The following SRPK2 variants were observed in gnomAD, a reference collection of about 807,000 sequenced individuals.
SRPK2 encodes SRSF protein kinase 2, also known as SFRS protein kinase 2.
SRPK2 carries 21 observed loss-of-function variants against 90.8 expected under a neutral mutation model. The observed-to-expected ratio is 0.23, with a 90% CI of 0.16 to 0.33. The LOEUF is 0.33. SRPK2 is among the 10% of genes least tolerant of loss of function. The pLI, the probability that SRPK2 is intolerant of heterozygous loss-of-function variation, is 1.00. For synonymous variants in SRPK2, 288 were observed against 311.1 expected, an observed-to-expected ratio of 0.93 and a Z score of 0.78; for missense variants, 620 against 869.0, an observed-to-expected ratio of 0.71 and a Z score of 3.60.
At chr7:105,308,160 GT>G (rs1811340747) in intron 2 of SRPK2, among the ~76,000 whole-genome samples, 1 of 152,114 alleles carries the variant, frequency 6.6e-6, no homozygotes, top group South Asian at 2.1e-4. Context: ...AGTTTACATT[GT>G]TTTCATGGAA....
At chr7:105,322,786 C>T (rs913513181) in intron 2 of SRPK2, among the ~76,000 whole-genome samples, 2 of 152,042 alleles carry the variant, frequency 1.3e-5, no homozygotes, top group South Asian at 4.2e-4. Context: ...GTCTTATTAG[C>T]TAGTCTATAC....
At chr7:105,275,957 C>T (rs1456940547) in intron 2 of SRPK2, among the ~76,000 whole-genome samples, 1 of 152,164 alleles carries the variant, frequency 6.6e-6, no homozygotes, top group East Asian at 1.9e-4. Context: ...ATAATTAGAG[C>T]TACATCCTTT....
intron 2 of SRPK2, among the ~76,000 whole-genome samples, chr7:105,319,510 G>T (rs1020298621): frequency 8.4e-6 from 1 of 119,392 alleles, no homozygotes; most frequent in African/African-American, 2.9e-5. Flanking sequence ...GCGGCGGGGG[G>T]GGGGGGGGCG....
chr7:105,241,087 T>G (rs1800759012), intron 2 of SRPK2, among the ~76,000 whole-genome samples: 1 of 152,178 alleles, frequency 6.6e-6, no homozygotes. Flanking sequence ...TAAAAGAGGC[T>G]GCATGGTAAG....
At chr7:105,208,770 A>G (rs935422925) in intron 2 of SRPK2, among the ~76,000 whole-genome samples, 8 of 152,150 alleles carry the variant, frequency 5.3e-5, no homozygotes, top group African/African-American at 1.9e-4. Context: ...ACTAAAATAT[A>G]TATGTTACAT....
At chr7:105,267,746 T>C (rs976473682) in intron 2 of SRPK2, among the ~76,000 whole-genome samples, 3 of 152,230 alleles carry the variant, frequency 2.0e-5, no homozygotes, top group African/African-American at 7.2e-5. Context: ...AAATCCATTT[T>C]ACCATGGTAG....
intron 2 of SRPK2, among the ~76,000 whole-genome samples, chr7:105,368,963 G>A (rs1322803627): frequency 6.6e-6 from 1 of 151,544 alleles, no homozygotes; most frequent in African/African-American, 2.4e-5. Context: ...AATGGTTTAG[G>A]GCAATGGACT....
intron 2 of SRPK2, among the ~76,000 whole-genome samples, chr7:105,375,445 G>A (rs185161319): frequency 1.3e-5 from 2 of 152,304 alleles, no homozygotes; most frequent in Non-Finnish European, 2.9e-5. Context: ...ACTTTGGGGA[G>A]CCAAGGTGGG....
intron 2 of SRPK2, among the ~76,000 whole-genome samples, chr7:105,382,361 T>G (rs1171887284): frequency 6.6e-6 from 1 of 151,448 alleles, no homozygotes; most frequent in East Asian, 1.9e-4. Context: ...GAGACCAGCC[T>G]GACCAAAGTG....
intron 2 of SRPK2, among the ~76,000 whole-genome samples, chr7:105,280,757 C>A (rs1168001245): frequency 6.6e-6 from 1 of 150,480 alleles, no homozygotes; most frequent in Non-Finnish European, 1.5e-5. Flanking sequence ...ACCATCCAGG[C>A]TAACACAGTG....
Position 105,348,573 on chromosome 7 carries a change from G to A in SRPK2, c.71+40075C>T, listed in dbSNP as rs987919784. On this transcript the variant is annotated intron_variant, in intron 2 of 15. Coordinates refer to ENST00000393651, the MANE Select transcript of SRPK2 (RefSeq NM_182692.3). ...TGAGTAGCTGGCATTACAGGCACCC[G>A]CCATCATGCCGGACTAATTTTTGTA... 4.6e-5 allele frequency among the ~76,000 whole-genome samples: 7 copies of A among 151,432 alleles called. 1 individual carries two copies. In the South Asian group the frequency reaches 6.2e-4, roughly 13 times the overall value.
Position 105,170,959 on chromosome 7 carries a change from GAAAGAAAGAGAAAGAAAGAGAA to G in SRPK2, c.230-1716_230-1695del, listed in dbSNP as rs1333349007. ...GGAAAGAAAGAAAGAAAGAAAGAAA[GAAAGAAAGAGAAAGAAAGAGAA>G]AGAAAGAAAGAAAGAGAAAGAAAGA... On this transcript the variant is annotated intron_variant, in intron 3 of 15. Transcript: ENST00000393651. Among the ~76,000 whole-genome samples the G allele has an allele frequency of 3.7e-3, 123 of 33,626 alleles. 6 individuals are homozygous for G. Among genetic ancestry groups the G allele is most frequent in the African/African-American group, 0.012 (120 of 9,978 alleles). The allele number at this position is 33,626 out of a possible 152,430, so 22.1% of individuals were successfully genotyped here.
At chr7:105,215,345 C>T (rs1309231358) in intron 2 of SRPK2, among the ~76,000 whole-genome samples, 1 of 152,086 alleles carries the variant, frequency 6.6e-6, no homozygotes, top group Non-Finnish European at 1.5e-5. Context: ...AGACAGATAA[C>T]GAGACGTCAG....
chr7:105,306,858 G>T (rs1044749190), intron 2 of SRPK2, among the ~76,000 whole-genome samples: 2 of 152,100 alleles, frequency 1.3e-5, no homozygotes, highest in African/African-American at 4.8e-5. Context: ...TAAATATGGG[G>T]GAAAAATGTT....
chr7:105,297,366 A>G, intron 2 of SRPK2: 2 of 663,526 alleles, frequency 3.0e-6, no homozygotes, highest in Non-Finnish European at 3.7e-6. Context: ...AAGTGCTGGA[A>G]ACACAGGTAG....
chr7:105,261,448 G>C (rs548145699), intron 2 of SRPK2, among the ~76,000 whole-genome samples: 5 of 151,924 alleles, frequency 3.3e-5, no homozygotes, highest in Non-Finnish European at 5.9e-5. Flanking sequence ...GTGAACCTGG[G>C]AGGCGGAGCT....
intron 2 of SRPK2, among the ~76,000 whole-genome samples, chr7:105,266,454 T>C (rs113823775): frequency 5.3e-5 from 8 of 152,302 alleles, no homozygotes; most frequent in East Asian, 3.9e-4. Flanking sequence ...TAATTCTATA[T>C]ACTGCAGGAA....
chr7:105,276,203 C>G (rs1380141857), intron 2 of SRPK2, among the ~76,000 whole-genome samples: 1 of 151,902 alleles, frequency 6.6e-6, no homozygotes, highest in Admixed American at 6.6e-5. Context: ...ACCTCAGCCT[C>G]CTGAGTAGTT....
chr7:105,175,873 T>C (rs963925103), intron 3 of SRPK2, among the ~76,000 whole-genome samples: 6 of 152,162 alleles, frequency 3.9e-5, no homozygotes, highest in Middle Eastern at 6.8e-3. Flanking sequence ...TTGTTCAAAA[T>C]CTTCCCATAA....
Sources: allele counts gnomAD v4.1 joint callset (sites outside exome capture counted in the v4.1 genomes callset), GRCh38; gene constraint gnomAD v4.1.1; transcripts MANE v1.5; gene names NCBI Gene and HGNC (gene_info 2026-07-23, HGNC 2026-07-21).